The following HSD17B13 variants were observed in gnomAD, a reference collection of about 807,000 sequenced individuals.
HSD17B13 encodes 17-beta-hydroxysteroid dehydrogenase 13.
Under a neutral mutation model 31.1 loss-of-function variants are expected in HSD17B13, and 26 were observed. That is an observed-to-expected ratio of 0.84 (90% CI 0.61 to 1.16). The LOEUF (loss-of-function observed/expected upper bound fraction) is 1.16, where lower values mean the gene tolerates loss of function less well. HSD17B13 is among the 50% of genes most tolerant of loss of function. The pLI is 0.00. For missense variants in HSD17B13, 374 were observed against 366.5 expected (o/e 1.02, Z -0.17); for synonymous variants, 141 against 133.7 (o/e 1.05, Z -0.38).
chr4:87,309,116 C>T (rs1048324271), intron 6 of HSD17B13, among the ~76,000 whole-genome samples: 4 of 152,228 alleles, frequency 2.6e-5, no homozygotes, highest in African/African-American at 7.2e-5. Flanking sequence ...GGCATGATGG[C>T]TCATGCCTGT....
At chr4:87,310,594 A>G (rs1352078643) in intron 5 of HSD17B13, among the ~76,000 whole-genome samples, 1 of 152,186 alleles carries the variant, frequency 6.6e-6, no homozygotes, top group African/African-American at 2.4e-5. Flanking sequence ...TAGCTCACTT[A>G]GTCAAAATAT....
At position 87,304,548 on chromosome 4, in the gene HSD17B13, T is replaced by G. The variant is rs982589346; in HGVS notation, c.*670A>C. 1 of 152,092 alleles carries G rather than the reference T, an allele frequency of 6.6e-6. No individual in the cohort carries two copies. Among genetic ancestry groups the G allele is most frequent in the Non-Finnish European group, 1.5e-5 (1 of 68,014 alleles). 9.4% of individuals were successfully genotyped at this position (152,092 alleles called of 1,614,324 possible). A position where few individuals can be genotyped will look rare whatever the true frequency, so the allele number is the denominator to read the frequency against. On this transcript the variant is annotated 3_prime_UTR_variant, in exon 7 of 7. Coordinates refer to ENST00000328546, the MANE Select transcript of HSD17B13 (RefSeq NM_178135.5). ...GAACTTAAAATTCTGAGATTTAAAA[T>G]AGAGTCGGTCACCTTTCATAATGTA... is the stretch of plus-strand genomic sequence containing the variant.
At chr4:87,314,951 A>G (rs571040850) in intron 4 of HSD17B13, among the ~76,000 whole-genome samples, 1 of 152,358 alleles carries the variant, frequency 6.6e-6, no homozygotes, top group Non-Finnish European at 1.5e-5. Flanking sequence ...AGTCATTTAA[A>G]AAATCATTCT....
chr4:87,314,385 C>G (rs949175413), intron 4 of HSD17B13, among the ~76,000 whole-genome samples: 2 of 151,778 alleles, frequency 1.3e-5, no homozygotes, highest in Non-Finnish European at 2.9e-5. Context: ...CTGCTCATTT[C>G]TCCTCTCTCT....
At chr4:87,316,462 T>C (rs1010798190) in intron 3 of HSD17B13, among the ~76,000 whole-genome samples, 38 of 152,122 alleles carry the variant, frequency 2.5e-4, no homozygotes, top group African/African-American at 9.2e-4. Context: ...AGATCTGCCC[T>C]AGATTCTACA....
At chr4:87,316,662 T>C (rs1406626268) in intron 3 of HSD17B13, among the ~76,000 whole-genome samples, 1 of 152,250 alleles carries the variant, frequency 6.6e-6, no homozygotes, top group Non-Finnish European at 1.5e-5. Context: ...CGATCCTATA[T>C]ACATCCAAGT....
At chr4:87,322,254 G>A (rs144423140) in intron 1 of HSD17B13, among the ~76,000 whole-genome samples, 1 of 152,198 alleles carries the variant, frequency 6.6e-6, no homozygotes, top group Admixed American at 6.5e-5. Context: ...TCTGTTGCAA[G>A]TTCTTCGTTT....
chr4:87,306,316 G>T (rs1272558985), intron 6 of HSD17B13, among the ~76,000 whole-genome samples: 1 of 152,124 alleles, frequency 6.6e-6, no homozygotes, highest in Non-Finnish European at 1.5e-5. Flanking sequence ...AGCTCACCAA[G>T]AGACACCACC....
In HSD17B13 at chr4:87,310,289, T is replaced by C. The variant is rs1238038174; in HGVS notation, c.766A>G (p.Met256Val). 2 of 1,584,618 alleles carry C rather than the reference T, an allele frequency of 1.3e-6. No individual in the cohort carries two copies. The highest frequency in any genetic ancestry group is 1.2e-5 in the South Asian group (1 of 85,702). ...TTGATATACGATGGAACAAAAATCATTTTCTTATTGGTAAGTATTCCATCT... is the reference window on the plus strand; with the variant it reads ...TTGATATACGATGGAACAAAAATCACTTTCTTATTGGTAAGTATTCCATCT... Reference protein sequence around the residue: ...LIDGILTNKKMIFVPSYINIF... With the variant: ...LIDGILTNKKVIFVPSYINIF... Residue 256 changes from methionine (M) to valine (V), a missense_variant, in exon 6 of 7, where the codon ATG (methionine) becomes GTG (valine). Coordinates refer to ENST00000328546, the MANE Select transcript of HSD17B13 (RefSeq NM_178135.5).
In HSD17B13 at chr4:87,317,143, C is replaced by G; in HGVS notation, c.399G>C (p.Lys133Asn). 6.2e-7 allele frequency: 1 copy of G among 1,613,956 alleles called. No individual in the cohort carries two copies. The highest frequency in any genetic ancestry group is 8.5e-7 in the Non-Finnish European group (1 of 1,179,828). The part of the protein sequence containing the change: ...TVYPADLLST[K>N]DEEITKTFEV... ...CAAATGTCTTGGTAATCTCTTCATC[C>G]TTGGTGCTGAGAAGATCGGCTGGAT... The change falls in exon 3 of 7, where the codon AAG becomes AAC. Residue 133 changes from lysine to asparagine, a missense_variant. Coordinates refer to ENST00000328546, the MANE Select transcript of HSD17B13 (RefSeq NM_178135.5).
chr4:87,305,463 C>T (rs1734370474), intron 6 of HSD17B13, among the ~76,000 whole-genome samples, 155 bp from the exon 7 acceptor site: 1 of 150,642 alleles, frequency 6.6e-6, no homozygotes, highest in South Asian at 2.1e-4. Flanking sequence ...CTCTCTTTTA[C>T]GTGTGCATCT....
At chr4:87,317,342 G>T in intron 2 of HSD17B13, 119 bp from the exon 3 acceptor site, 1 of 962,760 alleles carries the variant, frequency 1.0e-6, no homozygotes, top group Non-Finnish European at 1.6e-6. Flanking sequence ...CAGAGTTCAG[G>T]CAAGACAGAC....
rs781391869 is a variant in HSD17B13, at chr4:87,322,729, A to G, written c.113T>C (p.Ile38Thr). The G allele has an allele frequency of 2.1e-5, 34 of 1,613,962 alleles. No individual in the cohort carries two copies. The highest frequency in any genetic ancestry group is 2.7e-5 in the Non-Finnish European group (32 of 1,179,950). ...PQRRKSVAGE[I>T]VLITGAGHGI... The stretch of plus-strand genomic sequence containing the variant: ...ATGCCCAGCTCCAGTAATGAGAACA[A>G]TCTCCCCAGCCACAGATTTTCTCCT... The change falls in exon 1 of 7, where the codon ATT (isoleucine) becomes ACT (threonine). Residue 38 changes from isoleucine (I) to threonine (T), a missense_variant. Ile to Thr is a moderately conservative substitution (Grantham distance 89, BLOSUM62 -1). Transcript: ENST00000328546.
chr4:87,309,734 T>G (rs1008838621), intron 6 of HSD17B13, among the ~76,000 whole-genome samples: 5 of 152,152 alleles, frequency 3.3e-5, no homozygotes, highest in Admixed American at 6.5e-5. Context: ...GCAGAGACAG[T>G]AGATTTGGTA....
Position 87,315,485 on chromosome 4 carries a change from ATACT to A in HSD17B13, c.557+4_557+7del. Reference sequence around the variant, plus strand: ...AAATATATAACATGGCTGGCATGTGATACTTACCAATATGGGATGAGGTAAGGAA... The same window carrying A: ...AAATATATAACATGGCTGGCATGTGATACCAATATGGGATGAGGTAAGGAA... On this transcript the variant is annotated splice_donor_5th_base_variant and intron_variant, in intron 4 of 6. Transcript: ENST00000328546. The A allele has an allele frequency of 6.6e-7, 1 of 1,520,816 alleles. No individual in the cohort carries two copies. Among genetic ancestry groups the A allele is most frequent in the East Asian group, 2.3e-5 (1 of 44,206 alleles). 94.2% of individuals were successfully genotyped at this position (1,520,816 alleles called of 1,614,324 possible). A position where few individuals can be genotyped will look rare whatever the true frequency, so the allele number is the denominator to read the frequency against.
intron 6 of HSD17B13, among the ~76,000 whole-genome samples, chr4:87,306,905 T>TAAAAAAAAAAA (rs67775053): frequency 1.1e-4 from 5 of 44,286 alleles, no homozygotes; most frequent in South Asian, 1.3e-3. Flanking sequence ...AGACCCAATC[T>TAAAAAAAAAAA]AAAAAAAAAA....
chr4:87,313,309 T>C (rs1210662421), intron 5 of HSD17B13, among the ~76,000 whole-genome samples: 1 of 152,212 alleles, frequency 6.6e-6, no homozygotes, highest in Non-Finnish European at 1.5e-5. Flanking sequence ...TCATTAAGCT[T>C]AGTATATTTT....
At chr4:87,312,244 T>C (rs1305939252) in intron 5 of HSD17B13, among the ~76,000 whole-genome samples, 1 of 152,178 alleles carries the variant, frequency 6.6e-6, no homozygotes. Context: ...TTTACTTACA[T>C]ATTGCATACT....
chr4:87,317,204 T>C lies in HSD17B13; in HGVS notation c.338A>G (p.Asp113Gly). 1 of 1,614,090 alleles carries C rather than the reference T, an allele frequency of 6.2e-7. No individual in the cohort carries two copies. Reference protein sequence around the residue: ...SLNQVKKEVGDVTIVVNNAGT... With the variant: ...SLNQVKKEVGGVTIVVNNAGT... ...AGCATTATTCACCACGATTGTTACATCACCCACTTCTTTCTTCACCTTTTG... is the reference window on the plus strand; with the variant it reads ...AGCATTATTCACCACGATTGTTACACCACCCACTTCTTTCTTCACCTTTTG... Residue 113 changes from aspartate (D) to glycine (G), a missense_variant, in exon 3 of 7, where the codon GAT becomes GGT. Physicochemically the swap from Asp to Gly is moderately conservative, Grantham distance 94. Coordinates refer to ENST00000328546, the MANE Select transcript of HSD17B13 (RefSeq NM_178135.5).
Sources: allele counts gnomAD v4.1 joint callset (sites outside exome capture counted in the v4.1 genomes callset), GRCh38; gene constraint gnomAD v4.1.1; transcripts MANE v1.5; gene names NCBI Gene and HGNC (gene_info 2026-07-23, HGNC 2026-07-21).